The following ZNF385B variants were observed in gnomAD, a reference collection of about 807,000 sequenced individuals.
The protein encoded by ZNF385B is zinc finger protein 533.
Under a neutral mutation model 39.2 loss-of-function variants are expected in ZNF385B, and 23 were observed. The ratio of observed to expected loss-of-function variants is 0.59; its 90% CI spans 0.42 to 0.83. The LOEUF is 0.83. Ranked by LOEUF, ZNF385B falls within the 40% of genes least tolerant of loss-of-function variation. The pLI is 0.00. For missense variants in ZNF385B, 552 were observed against 598.9 expected (o/e 0.92, Z 0.82); for synonymous variants, 205 against 222.6 (o/e 0.92, Z 0.70).
chr2:179,574,255 T>G (rs1685555817), intron 3 of ZNF385B, among the ~76,000 whole-genome samples: 1 of 152,208 alleles, frequency 6.6e-6, no homozygotes, highest in Non-Finnish European at 1.5e-5. Context: ...TGTACCTTTC[T>G]GTGGTTAAAA....
In ZNF385B at chr2:179,442,224, T is replaced by C. The variant is rs2049038950; in HGVS notation, c.*1026A>G. On this transcript the variant is annotated 3_prime_UTR_variant, in exon 10 of 10. Coordinates refer to ENST00000410066, the MANE Select transcript of ZNF385B (RefSeq NM_152520.6). ...GAAAGACAAATTGTTCAATTATAAA[T>C]TTTTTTATCTTCTGTACATTATTGC... is the stretch of plus-strand genomic sequence containing the variant. 6.6e-6 allele frequency: 1 copy of C among 152,626 alleles called. No individual in the cohort carries two copies. The highest frequency in any genetic ancestry group is 1.5e-5 in the Non-Finnish European group (1 of 68,026). The allele number at this position is 152,626 out of a possible 1,614,324, so 9.5% of individuals were successfully genotyped here.
chr2:179,830,670 A>G (rs913917278), intron 1 of ZNF385B, among the ~76,000 whole-genome samples: 1 of 152,244 alleles, frequency 6.6e-6, no homozygotes, highest in African/African-American at 2.4e-5. Context: ...AGGCAAAACT[A>G]GAGAGACAAT....
chr2:179,448,139 C>T (rs2049699909), intron 6 of ZNF385B, among the ~76,000 whole-genome samples: 1 of 151,838 alleles, frequency 6.6e-6, no homozygotes, highest in African/African-American at 2.4e-5. Context: ...AGTGACTGTA[C>T]TAAAACTTCA....
chr2:179,477,565 T>C (rs1002494183), intron 6 of ZNF385B, among the ~76,000 whole-genome samples: 1 of 152,106 alleles, frequency 6.6e-6, no homozygotes, highest in Non-Finnish European at 1.5e-5. Flanking sequence ...TGATTCAAAA[T>C]GCATTGAAAA....
At chr2:179,643,302 T>G (rs1692432133) in intron 3 of ZNF385B, among the ~76,000 whole-genome samples, 1 of 152,150 alleles carries the variant, frequency 6.6e-6, no homozygotes, top group African/African-American at 2.4e-5. Context: ...TTAGATGATC[T>G]GTGTGTTTCA....
chr2:179,602,251 T>C (rs1461512226), intron 3 of ZNF385B, among the ~76,000 whole-genome samples: 1 of 152,174 alleles, frequency 6.6e-6, no homozygotes, highest in Non-Finnish European at 1.5e-5. Flanking sequence ...AAACACAACA[T>C]GTATGCTTTC....
At chr2:179,491,842 G>A (rs1332675121) in intron 5 of ZNF385B, among the ~76,000 whole-genome samples, 4 of 152,158 alleles carry the variant, frequency 2.6e-5, no homozygotes, top group Non-Finnish European at 5.9e-5. Flanking sequence ...GGGAGTACAG[G>A]TACATGCCAC....
chr2:179,486,743 T>C (rs972366991), intron 5 of ZNF385B, among the ~76,000 whole-genome samples: 2 of 152,174 alleles, frequency 1.3e-5, no homozygotes, highest in South Asian at 4.2e-4. Context: ...TACGAGACCT[T>C]GTTTCTACCA....
chr2:179,479,069 TG>T (rs1224492700), intron 6 of ZNF385B, among the ~76,000 whole-genome samples: 5 of 152,200 alleles, frequency 3.3e-5, no homozygotes, highest in African/African-American at 9.6e-5. Context: ...CAACTTCCTC[TG>T]ATGCATCATT....
At chr2:179,801,418 G>A (rs1159345062) in intron 1 of ZNF385B, among the ~76,000 whole-genome samples, 1 of 151,960 alleles carries the variant, frequency 6.6e-6, no homozygotes, top group East Asian at 1.9e-4. Context: ...TGTACTTCCT[G>A]TACTTCCCTG....
chr2:179,856,624 C>CA lies in ZNF385B; in HGVS notation c.-155+4476dup, dbSNP rs11308289. ...TTTTAAGAAACAGAGACAGCAGAGA[C>CA]AAAAAAAAAAAAAAAAAAGTCAAAG... On this transcript the variant is annotated intron_variant, in intron 1 of 9. Coordinates refer to ENST00000410066, the MANE Select transcript of ZNF385B (RefSeq NM_152520.6). 7.9e-4 allele frequency among the ~76,000 whole-genome samples: 86 copies of CA among 108,276 alleles called. 1 individual carries two copies. The highest frequency in any genetic ancestry group is 2.3e-3 in the African/African-American group (67 of 29,254). The allele number at this position is 108,276 out of a possible 152,430, so 71.0% of individuals were successfully genotyped here. A position where few individuals can be genotyped will look rare whatever the true frequency, so the allele number is the denominator to read the frequency against.
In ZNF385B at chr2:179,571,424, C is replaced by T. The variant is rs542957400; in HGVS notation, c.299-26455G>A. ...ACCTCATGTACTTTCACTACAAGCCCGAAGGAAGATTACCTCTATTCAGCA... is the reference window on the plus strand; with the variant it reads ...ACCTCATGTACTTTCACTACAAGCCTGAAGGAAGATTACCTCTATTCAGCA... On this transcript the variant is annotated intron_variant, in intron 3 of 9. Coordinates refer to ENST00000410066, the MANE Select transcript of ZNF385B (RefSeq NM_152520.6). 4.6e-5 allele frequency among the ~76,000 whole-genome samples: 7 copies of T among 152,186 alleles called. No individual in the cohort carries two copies. In the South Asian group the frequency reaches 1.2e-3, roughly 27 times the overall value.
intron 5 of ZNF385B, among the ~76,000 whole-genome samples, chr2:179,493,482 T>C (rs565577201): frequency 2.2e-4 from 23 of 103,680 alleles, no homozygotes; most frequent in South Asian, 1.7e-3. Flanking sequence ...TGTGTACACA[T>C]ATGTATAAAC....
chr2:179,539,691 T>G (rs1023611496), intron 4 of ZNF385B, among the ~76,000 whole-genome samples: 31 of 152,160 alleles, frequency 2.0e-4, no homozygotes, highest in African/African-American at 7.2e-4. Context: ...TTATATACAG[T>G]CATTAAAGAA....
intron 3 of ZNF385B, among the ~76,000 whole-genome samples, chr2:179,632,095 A>G (rs1300800378): frequency 6.6e-6 from 1 of 152,150 alleles, no homozygotes; most frequent in Non-Finnish European, 1.5e-5. Context: ...CCCACACAAT[A>G]ATAATGAGAG....
At chr2:179,801,622 A>G (rs576905915) in intron 1 of ZNF385B, among the ~76,000 whole-genome samples, 37 of 152,294 alleles carry the variant, frequency 2.4e-4, no homozygotes, top group African/African-American at 8.9e-4. Flanking sequence ...GCCTAATTCA[A>G]TTTTGAACCT....
At chr2:179,835,616 A>G (rs1708207593) in intron 1 of ZNF385B, among the ~76,000 whole-genome samples, 1 of 151,944 alleles carries the variant, frequency 6.6e-6, no homozygotes. Context: ...TCAGTTCTCA[A>G]TTCCTACCTC....
chr2:179,554,717 T>C (rs2060793660), intron 3 of ZNF385B, among the ~76,000 whole-genome samples: 1 of 149,146 alleles, frequency 6.7e-6, no homozygotes, highest in East Asian at 1.9e-4. Flanking sequence ...CAAAAGCATA[T>C]ATTAAAATGG....
chr2:179,501,292 T>C (rs1043666751), intron 5 of ZNF385B, among the ~76,000 whole-genome samples: 1 of 152,192 alleles, frequency 6.6e-6, no homozygotes, highest in African/African-American at 2.4e-5. Flanking sequence ...TGCACTCCTA[T>C]GTTTGTTGCA....
Sources: allele counts gnomAD v4.1 joint callset (sites outside exome capture counted in the v4.1 genomes callset), GRCh38; gene constraint gnomAD v4.1.1; transcripts MANE v1.5; gene names NCBI Gene and HGNC (gene_info 2026-07-23, HGNC 2026-07-21).